Variants in DDX23 observed in about 807,000 individuals in gnomAD.
DDX23 encodes probable ATP-dependent RNA helicase DDX23.
In DDX23, 33 loss-of-function variants were observed where a neutral mutation model predicts 102.7. That is an observed-to-expected ratio of 0.32 (90% confidence interval 0.24 to 0.43). The LOEUF is 0.43. DDX23 is among the 20% of genes least tolerant of loss of function. The pLI is 1.00. For synonymous variants in DDX23, 352 were observed against 376.0 expected, an observed-to-expected ratio of 0.94 and a Z score of 0.74; for missense variants, 549 against 1,086.6, an observed-to-expected ratio of 0.51 and a Z score of 6.96.
chr12:48,833,208 C>T (rs1315876647), intron 13 of DDX23, 69 bp downstream of exon 13: 2 of 1,594,534 alleles, frequency 1.3e-6, no homozygotes, highest in African/African-American at 1.3e-5. Flanking sequence ...TGGTCTCAAA[C>T]TCCTGAGCTC....
intron 3 of DDX23, among the ~76,000 whole-genome samples, chr12:48,841,704 C>G (rs1273211007): frequency 6.6e-6 from 1 of 152,258 alleles, no homozygotes; most frequent in Non-Finnish European, 1.5e-5. Flanking sequence ...CGCGAGTGAT[C>G]CGCCAGCCTC....
chr12:48,830,529 G>A lies in DDX23; in HGVS notation c.2403C>T (p.Ala801=). The A allele has an allele frequency of 6.2e-7, 1 of 1,613,796 alleles. No individual in the cohort carries two copies. The highest frequency in any genetic ancestry group is 8.5e-7 in the Non-Finnish European group (1 of 1,180,006). The change falls in exon 17 of 17, where the codon GCC becomes GCT. Residue 801 remains alanine, a synonymous_variant. Coordinates refer to ENST00000308025, the MANE Select transcript of DDX23 (RefSeq NM_004818.3). This position sits in a 1 kb window ranked among gnomAD's most constrained non-coding sequence, Gnocchi z 4.9. Reference sequence around the variant, plus strand: ...TGAGGATGGTGCCTGGCTTATGCTGGGCATCTGGGTGGTTGGCTAGTTCGG... The same window carrying A: ...TGAGGATGGTGCCTGGCTTATGCTGAGCATCTGGGTGGTTGGCTAGTTCGG... ...CPPELANHPD[A]QHKPGTILTK... is the part of the protein sequence containing the mutation.
At chr12:48,851,614 T>C (rs1265513556) in intron 1 of DDX23, among the ~76,000 whole-genome samples, 1 of 152,218 alleles carries the variant, frequency 6.6e-6, no homozygotes, top group Non-Finnish European at 1.5e-5. Flanking sequence ...GTGGAAGGCT[T>C]GGAAGAGGAA....
Position 48,830,416 on chromosome 12 carries a change from A to C in DDX23, c.*53T>G. On this transcript the variant is annotated 3_prime_UTR_variant, in exon 17 of 17. Coordinates refer to ENST00000308025, the MANE Select transcript of DDX23 (RefSeq NM_004818.3). The surrounding 1 kb of genome is among the most constrained non-coding windows in gnomAD (Gnocchi z 4.9). ...AAGAGGGATGTGAGGGTTCTGAAAA[A>C]CAGGCATCAGGCAGCTTTGGAGATG... 1 of 1,594,162 alleles carries C rather than the reference A, an allele frequency of 6.3e-7. No homozygotes were observed.
intron 15 of DDX23, 85 bp from the exon 16 acceptor site, chr12:48,831,401 G>T: frequency 7.5e-7 from 1 of 1,326,042 alleles, no homozygotes; most frequent in East Asian, 2.3e-5. Context: ...ACAGATGAAG[G>T]GAGGGTTGGA....
At chr12:48,839,597 G>C (rs1938516514) in intron 5 of DDX23, 1 of 372,472 alleles carries the variant, frequency 2.7e-6, no homozygotes, top group East Asian at 4.3e-5. Flanking sequence ...GCCTTTTAGG[G>C]TGAGCCCTAA....
intron 12 of DDX23, 45 bp downstream of exon 12, chr12:48,834,275 T>C (rs1193603654): frequency 1.9e-6 from 3 of 1,559,918 alleles, no homozygotes; most frequent in African/African-American, 1.4e-5. Context: ...AGCCCCAAGA[T>C]AGCCTTCCCA....
chr12:48,831,410 G>C (rs1938384467), intron 15 of DDX23, 94 bp from the exon 16 acceptor site: 11 of 1,229,792 alleles, frequency 8.9e-6, no homozygotes, highest in East Asian at 2.3e-5. Context: ...GGGAGGGTTG[G>C]AGAGAGCAGC....
At chr12:48,837,162 G>A in intron 8 of DDX23, 119 bp downstream of exon 8, 3 of 1,549,624 alleles carry the variant, frequency 1.9e-6, no homozygotes, top group Non-Finnish European at 1.8e-6. Flanking sequence ...AGGGCTGGCT[G>A]ACTACCAGTC....
In DDX23 at chr12:48,836,372, G is replaced by C. The variant is rs1938467950; in HGVS notation, c.1237-106C>G. 1 of 1,404,864 alleles carries C rather than the reference G, an allele frequency of 7.1e-7. No individual in the cohort carries two copies. The highest frequency in any genetic ancestry group is 9.9e-7 in the Non-Finnish European group (1 of 1,010,398). 87.0% of individuals were successfully genotyped at this position (1,404,864 alleles called of 1,614,324 possible). A position where few individuals can be genotyped will look rare whatever the true frequency, so the allele number is the denominator to read the frequency against. ...TGCTAGCACAATGGAAGGATGCCAAGTACAGTTCACAGAAATAGGGACCCC... is the reference window on the plus strand; with the variant it reads ...TGCTAGCACAATGGAAGGATGCCAACTACAGTTCACAGAAATAGGGACCCC... On this transcript the variant is annotated intron_variant, in intron 10 of 16. Transcript: ENST00000308025. This position sits in a 1 kb window ranked among gnomAD's most constrained non-coding sequence, Gnocchi z 6.1.
Position 48,836,458 on chromosome 12 carries a change from A to T in DDX23, c.1236+111T>A, listed in dbSNP as rs760687158. 7.8e-7 allele frequency: 1 copy of T among 1,276,140 alleles called. No individual in the cohort carries two copies. Among genetic ancestry groups the T allele is most frequent in the Admixed American group, 2.0e-5 (1 of 50,348 alleles). The allele number at this position is 1,276,140 out of a possible 1,614,324, so 79.1% of individuals were successfully genotyped here. ...ACCAGAAAGTGACAGAAAAGGTCAC[A>T]TTGGTGCCCACTAGCAGCGATGGCT... On this transcript the variant is annotated intron_variant, in intron 10 of 16. Coordinates refer to ENST00000308025, the MANE Select transcript of DDX23 (RefSeq NM_004818.3). The surrounding 1 kb of genome is among the most constrained non-coding windows in gnomAD (Gnocchi z 6.1).
chr12:48,833,654 G>T, intron 12 of DDX23, 135 bp from the exon 13 acceptor site: 1 of 1,125,614 alleles, frequency 8.9e-7, no homozygotes, highest in Non-Finnish European at 1.2e-6. Flanking sequence ...ATGTTTAGCA[G>T]TAAAGGCTCC....
chr12:48,833,570 C>A, intron 12 of DDX23, 51 bp from the exon 13 acceptor site: 1 of 1,589,404 alleles, frequency 6.3e-7, no homozygotes, highest in Non-Finnish European at 8.5e-7. Context: ...CCCTTCTTTT[C>A]TTTCCTGTGA....
rs1938435146 is a variant in DDX23, at chr12:48,834,399, G to A, written c.1481C>T (p.Pro494Leu). 8.1e-6 allele frequency: 13 copies of A among 1,614,098 alleles called. No homozygotes were observed. Among genetic ancestry groups the A allele is most frequent in the Non-Finnish European group, 1.1e-5 (13 of 1,180,008 alleles). ...GACAGCCACAGTGCGGATACCTAGC[G>A]GTTTCCCAAACTTGATGGTCTCTTC... ...IEEETIKFGKPLGIRTVAVIG... is the reference protein window; with the variant it reads ...IEEETIKFGKLLGIRTVAVIG... Residue 494 changes from proline to leucine, a missense_variant, in exon 12 of 17, where the codon CCG becomes CTG. Physicochemically the swap from Pro to Leu is moderately conservative, Grantham distance 98. Around this residue, in one of 4 missense-constraint regions of DDX23, gnomAD observed 270 missense variants for 707.0 expected, o/e 0.38. Transcript: ENST00000308025.
rs1342955802 is a variant in DDX23, at chr12:48,830,251, TG to T, written c.*217del. 2 of 674,056 alleles carry T rather than the reference TG, an allele frequency of 3.0e-6. No homozygotes were observed. Among genetic ancestry groups the T allele is most frequent in the African/African-American group, 3.5e-5 (2 of 56,650 alleles). The allele number at this position is 674,056 out of a possible 1,614,324, so 41.8% of individuals were successfully genotyped here. Reference sequence around the variant, plus strand: ...AGGGCAGAACTGGGCCAAGAAGCTGTGGTAATTTGCTCTCCCTGCCTCCGAC... The same window carrying T: ...AGGGCAGAACTGGGCCAAGAAGCTGTGTAATTTGCTCTCCCTGCCTCCGAC... On this transcript the variant is annotated 3_prime_UTR_variant, in exon 17 of 17. Coordinates refer to ENST00000308025, the MANE Select transcript of DDX23 (RefSeq NM_004818.3). This position sits in a 1 kb window ranked among gnomAD's most constrained non-coding sequence, Gnocchi z 4.9.
chr12:48,846,268 C>T (rs1042654721), intron 1 of DDX23, among the ~76,000 whole-genome samples: 1 of 152,164 alleles, frequency 6.6e-6, no homozygotes, highest in Non-Finnish European at 1.5e-5. Flanking sequence ...CTGGTCGATT[C>T]CTTTTTATAT....
Position 48,840,056 on chromosome 12 carries a change from G to C in DDX23, c.371C>G (p.Ser124Cys), listed in dbSNP as rs1938525122. 6.2e-7 allele frequency: 1 copy of C among 1,614,070 alleles called. No individual in the cohort carries two copies. Among genetic ancestry groups the C allele is most frequent in the Non-Finnish European group, 8.5e-7 (1 of 1,180,008 alleles). ...KDFKSRKDRD[S>C]KKDEEDEHGD... ...ATGTTCATCCTCTTCATCCTTCTTA[G>C]AGTCTCTGTCCTTCCGAGATTTAAA... The change falls in exon 4 of 17, where the codon TCT (serine) becomes TGT (cysteine). Residue 124 changes from serine to cysteine, a missense_variant. Ser to Cys is a moderately radical substitution (Grantham distance 112). Coordinates refer to ENST00000308025, the MANE Select transcript of DDX23 (RefSeq NM_004818.3).
In DDX23 at chr12:48,832,799, T is replaced by C; in HGVS notation, c.1804-226A>G. On this transcript the variant is annotated intron_variant, in intron 13 of 16. Transcript: ENST00000308025. This position sits in a 1 kb window ranked among gnomAD's most constrained non-coding sequence, Gnocchi z 4.4. ...GATGACAGGAAGGATTGAGAGCATT[T>C]GCTAGCACCTGTGGTCCCGGTAGCA... is the stretch of plus-strand genomic sequence containing the variant. The C allele has an allele frequency of 1.7e-6, 1 of 592,506 alleles. No individual in the cohort carries two copies. Among genetic ancestry groups the C allele is most frequent in the South Asian group, 2.3e-5 (1 of 43,846 alleles). 36.7% of individuals were successfully genotyped at this position (592,506 alleles called of 1,614,324 possible). A position where few individuals can be genotyped will look rare whatever the true frequency, so the allele number is the denominator to read the frequency against.
chr12:48,839,558 C>CAAAAAA, intron 5 of DDX23: 1 of 71,342 alleles, frequency 1.4e-5, no homozygotes, highest in South Asian at 3.0e-4. Context: ...GACTCTGTCT[C>CAAAAAA]AAAAAAAAAA....
Sources: allele counts gnomAD v4.1 joint callset (sites outside exome capture counted in the v4.1 genomes callset), GRCh38; gene constraint gnomAD v4.1.1; regional missense constraint gnomAD v4.1.1; non-coding constraint Gnocchi (gnomAD v3.1); transcripts MANE v1.5; gene names NCBI Gene and HGNC (gene_info 2026-07-23, HGNC 2026-07-21).